Variants in CNTN1 observed in about 807,000 individuals in gnomAD.
The protein encoded by CNTN1 is contactin-1.
Under a neutral mutation model 126.4 loss-of-function variants are expected in CNTN1, and 38 were observed. The observed-to-expected ratio is 0.30, with a 90% CI of 0.23 to 0.39. The LOEUF (loss-of-function observed/expected upper bound fraction) is 0.39. CNTN1 is among the 10% of genes least tolerant of loss of function. CNTN1 has a pLI of 1.00. For synonymous variants in CNTN1, 413 were observed against 422.6 expected (o/e 0.98, Z 0.28); for missense variants, 1,009 against 1,248.4 (o/e 0.81, Z 2.89).
At chr12:40,964,950 C>T (rs1947253305) in intron 15 of CNTN1, among the ~76,000 whole-genome samples, 1 of 152,134 alleles carries the variant, frequency 6.6e-6, no homozygotes, top group Non-Finnish European at 1.5e-5. Context: ...GAGTATCCCA[C>T]TCTTCACTGT....
intron 1 of CNTN1, among the ~76,000 whole-genome samples, chr12:40,831,009 A>C (rs1221471120): frequency 7.0e-6 from 1 of 142,258 alleles, no homozygotes; most frequent in East Asian, 2.0e-4. Context: ...ACTATAAGTT[A>C]ATATATAGTA....
chr12:40,726,491 A>C (rs1942353774), intron 1 of CNTN1, among the ~76,000 whole-genome samples: 1 of 152,084 alleles, frequency 6.6e-6, no homozygotes, highest in East Asian at 1.9e-4. Context: ...CAAGCAGGGG[A>C]AATGCCAGGT....
chr12:40,961,550 G>C (rs2137013991), intron 15 of CNTN1, among the ~76,000 whole-genome samples: 1 of 151,916 alleles, frequency 6.6e-6, no homozygotes, highest in Admixed American at 6.6e-5. Context: ...ATAACCTGGA[G>C]TCTATGAACA....
chr12:40,958,367 G>GTT (rs1382447575), intron 14 of CNTN1, among the ~76,000 whole-genome samples: 1 of 150,530 alleles, frequency 6.6e-6, no homozygotes, highest in Non-Finnish European at 1.5e-5. Flanking sequence ...GTGTGTGTGT[G>GTT]TGTGTGTGTG....
At chr12:40,901,124 T>C (rs1944587103) in intron 1 of CNTN1, among the ~76,000 whole-genome samples, 2 of 152,240 alleles carry the variant, frequency 1.3e-5, no homozygotes, top group Non-Finnish European at 2.9e-5. Context: ...CTCACATTTC[T>C]AGAGCTGTAC....
At position 40,954,104 on chromosome 12, in the gene CNTN1, A is replaced by G. The variant is rs117959938; in HGVS notation, c.1684-5010A>G. Reference sequence around the variant, plus strand: ...AGTTTAGTAACAGGGTTATCTTTCAATTAGACACCGAAGCAACCAAAGTAC... The same window carrying G: ...AGTTTAGTAACAGGGTTATCTTTCAGTTAGACACCGAAGCAACCAAAGTAC... On this transcript the variant is annotated intron_variant, in intron 14 of 23. Coordinates refer to ENST00000551295, the MANE Select transcript of CNTN1 (RefSeq NM_001843.4). Among the ~76,000 whole-genome samples, 71 of 152,236 alleles carry G rather than the reference A, an allele frequency of 4.7e-4. 1 individual carries two copies. In the East Asian group the frequency reaches 0.01, roughly 22 times the overall value.
rs575309758 is a variant in CNTN1 at position 40,816,635 on chromosome 12, CTG to C, written c.-76-91720_-76-91719del. On this transcript the variant is annotated intron_variant, in intron 1 of 23. Transcript: ENST00000551295. ...TTTTTTTGAAGGGTTTTTCGTGTCT[CTG>C]TTTCCTTCACTTCTTCTCTGATCTT... 3.4e-4 allele frequency among the ~76,000 whole-genome samples: 51 copies of C among 151,366 alleles called. 1 individual carries two copies. Among genetic ancestry groups the C allele is most frequent in the African/African-American group, 1.2e-3 (49 of 41,278 alleles).
At chr12:41,035,207 C>T (rs1216654961) in intron 23 of CNTN1, among the ~76,000 whole-genome samples, 1 of 152,088 alleles carries the variant, frequency 6.6e-6, no homozygotes, top group Non-Finnish European at 1.5e-5. Flanking sequence ...CTGAAACATT[C>T]CTTGATGGAA....
At chr12:40,968,117 G>A (rs76362724) in intron 15 of CNTN1, among the ~76,000 whole-genome samples, 1,669 of 152,066 alleles carry the variant, frequency 0.011, 28 homozygotes, top group African/African-American at 0.038. Flanking sequence ...AATCACTAAA[G>A]GTCACAAAGC....
chr12:40,927,101 G>A (rs553923503), intron 6 of CNTN1, among the ~76,000 whole-genome samples: 7 of 152,154 alleles, frequency 4.6e-5, no homozygotes, highest in African/African-American at 1.4e-4. Flanking sequence ...GGACTGCAAT[G>A]TGCTTACCTA....
At chr12:41,040,896 T>G (rs202004690) in intron 23 of CNTN1, among the ~76,000 whole-genome samples, 17,357 of 143,388 alleles carry the variant, frequency 0.12, 1,234 homozygotes, top group Non-Finnish European at 0.16. Flanking sequence ...CCTAATTGAC[T>G]ACCCTTTATT....
chr12:40,717,853 C>T (rs1007896690), intron 1 of CNTN1, among the ~76,000 whole-genome samples: 1 of 152,116 alleles, frequency 6.6e-6, no homozygotes, highest in Non-Finnish European at 1.5e-5. Flanking sequence ...AAACTAGGTT[C>T]ATCATCTTTA....
At chr12:41,003,838 CT>C (rs1483342726) in intron 17 of CNTN1, among the ~76,000 whole-genome samples, 1 of 151,976 alleles carries the variant, frequency 6.6e-6, no homozygotes, top group Non-Finnish European at 1.5e-5. Context: ...TGAATCCTCT[CT>C]CTTTTCTTCA....
chr12:40,893,497 T>G (rs76554607), intron 1 of CNTN1, among the ~76,000 whole-genome samples: 7,428 of 152,098 alleles, frequency 0.049, 399 homozygotes, highest in African/African-American at 0.14. Context: ...GGAAGCAATT[T>G]TTTTTAAATG....
At chr12:40,997,979 T>G (rs1403760231) in intron 17 of CNTN1, among the ~76,000 whole-genome samples, 1 of 152,114 alleles carries the variant, frequency 6.6e-6, no homozygotes, top group Non-Finnish European at 1.5e-5. Context: ...ATGTCCATAG[T>G]TGGTACTCAA....
intron 1 of CNTN1, among the ~76,000 whole-genome samples, chr12:40,822,991 A>G (rs1439141566): frequency 2.0e-5 from 3 of 152,196 alleles, no homozygotes; most frequent in African/African-American, 7.2e-5. Flanking sequence ...ATAATTGAGA[A>G]TATAGCATAT....
At chr12:41,007,178 G>A (rs374180923) in intron 17 of CNTN1, among the ~76,000 whole-genome samples, 31 of 140,784 alleles carry the variant, frequency 2.2e-4, no homozygotes, top group Middle Eastern at 3.8e-3. Context: ...TCCTGCCTCA[G>A]CCTCCCAAGT....
chr12:41,059,534 G>A (rs976778610), intron 23 of CNTN1, among the ~76,000 whole-genome samples: 1 of 152,140 alleles, frequency 6.6e-6, no homozygotes, highest in Non-Finnish European at 1.5e-5. Flanking sequence ...ATAGTACTGG[G>A]CTTAGATTCT....
chr12:40,733,024 C>T (rs77656053), intron 1 of CNTN1, among the ~76,000 whole-genome samples: 1,792 of 152,014 alleles, frequency 0.012, 23 homozygotes, highest in African/African-American at 0.04. Context: ...ATAATCAGTA[C>T]GGAGCCTAGA....
Sources: allele counts gnomAD v4.1 joint callset (sites outside exome capture counted in the v4.1 genomes callset), GRCh38; gene constraint gnomAD v4.1.1; transcripts MANE v1.5; gene names NCBI Gene and HGNC (gene_info 2026-07-23, HGNC 2026-07-21).